Variants in PLCB4 observed in about 807,000 individuals in gnomAD.
PLCB4 encodes 1-phosphatidylinositol 4,5-bisphosphate phosphodiesterase beta-4.
Under a neutral mutation model 178.8 loss-of-function variants are expected in PLCB4, and 77 were observed. The observed-to-expected ratio is 0.43, with a 90% CI of 0.36 to 0.52. The LOEUF (loss-of-function observed/expected upper bound fraction) is 0.52. Ranked by LOEUF, PLCB4 falls within the 20% of genes least tolerant of loss-of-function variation. The pLI is 0.00. For missense variants in PLCB4, 1,024 were observed against 1,453.4 expected (o/e 0.70, Z 4.80); for synonymous variants, 496 against 490.8 (o/e 1.01, Z -0.14).
At chr20:9,089,720 A>G (rs997942552) in intron 1 of PLCB4, among the ~76,000 whole-genome samples, 9 of 152,164 alleles carry the variant, frequency 5.9e-5, no homozygotes, top group African/African-American at 2.2e-4. Flanking sequence ...TTTGTATACT[A>G]TTTGGAGCCT....
At chr20:9,463,527 A>G (rs1357606905) in intron 35 of PLCB4, among the ~76,000 whole-genome samples, 2 of 149,486 alleles carry the variant, frequency 1.3e-5, no homozygotes, top group Admixed American at 1.4e-4. Context: ...AACCCATCTC[A>G]CATGCAGAGA....
chr20:9,435,721 A>C, intron 29 of PLCB4, 73 bp downstream of exon 29: 1 of 868,176 alleles, frequency 1.2e-6, no homozygotes, highest in Non-Finnish European at 1.9e-6. Context: ...TACAAAAACA[A>C]GACAAAGTAA....
chr20:9,291,404 T>A (rs1268427654), intron 3 of PLCB4, among the ~76,000 whole-genome samples: 1 of 152,156 alleles, frequency 6.6e-6, no homozygotes, highest in Non-Finnish European at 1.5e-5. Flanking sequence ...AGTTAATTAG[T>A]AATGCCAAAC....
Position 9,405,299 on chromosome 20 carries a change from C to T in PLCB4, c.1612-14C>T, listed in dbSNP as rs1234249815. On this transcript the variant is annotated splice_polypyrimidine_tract_variant and intron_variant, in intron 20 of 39. Transcript: ENST00000378473. ...TTTAGAGAAGTAAACAAATTATTTC[C>T]TTTCTCTAATTAGGCTTCAGATGAC... The T allele has an allele frequency of 1.3e-6, 2 of 1,492,252 alleles. No homozygotes were observed. Among genetic ancestry groups the T allele is most frequent in the Non-Finnish European group, 9.1e-7 (1 of 1,095,074 alleles). The allele number at this position is 1,492,252 out of a possible 1,614,324, so 92.4% of individuals were successfully genotyped here.
intron 3 of PLCB4, among the ~76,000 whole-genome samples, chr20:9,274,001 A>G (rs913905933): frequency 6.6e-6 from 1 of 152,084 alleles, no homozygotes; most frequent in African/African-American, 2.4e-5. Flanking sequence ...AGTCAGGGGA[A>G]GACGGGGCAG....
Position 9,192,629 on chromosome 20 carries a change from T to C in PLCB4, c.-78-24761T>C, listed in dbSNP as rs532245507. 2.0e-5 allele frequency among the ~76,000 whole-genome samples: 3 copies of C among 149,604 alleles called. No individual in the cohort carries two copies. The South Asian group carries it at 6.5e-4, about 32-fold the overall frequency. ...TAGCCTCGTCCTCCCAGGGTCTCCA[T>C]AGGGAGGCCCTGTCTCTACAAAAAC... On this transcript the variant is annotated intron_variant, in intron 2 of 39. Transcript: ENST00000378473.
At chr20:9,284,469 G>A (rs1841488193) in intron 3 of PLCB4, among the ~76,000 whole-genome samples, 1 of 151,940 alleles carries the variant, frequency 6.6e-6, no homozygotes, top group South Asian at 2.1e-4. Context: ...GTATAGATTG[G>A]CTTGTATCCC....
At chr20:9,461,599 G>T (rs185416661) in intron 35 of PLCB4, among the ~76,000 whole-genome samples, 2 of 152,244 alleles carry the variant, frequency 1.3e-5, no homozygotes, top group East Asian at 3.9e-4. Context: ...CAGACAAGGC[G>T]ATTCTCTCCT....
intron 25 of PLCB4, among the ~76,000 whole-genome samples, chr20:9,417,458 C>T (rs141229207): frequency 5.9e-5 from 9 of 152,130 alleles, no homozygotes; most frequent in African/African-American, 1.9e-4. Flanking sequence ...TAACATATGG[C>T]CTTTCGTGCC....
intron 28 of PLCB4, among the ~76,000 whole-genome samples, chr20:9,430,356 CA>C (rs1176279193): frequency 6.6e-6 from 1 of 152,208 alleles, no homozygotes; most frequent in African/African-American, 2.4e-5. Flanking sequence ...TTAATTTGAA[CA>C]AACCTTACTT....
At chr20:9,218,803 A>G (rs1386247945) in intron 3 of PLCB4, among the ~76,000 whole-genome samples, 1 of 152,138 alleles carries the variant, frequency 6.6e-6, no homozygotes, top group Non-Finnish European at 1.5e-5. Context: ...GCTATCTTTT[A>G]CTACTCCCCA....
At chr20:9,395,449 T>C (rs544646280) in intron 18 of PLCB4, 74 bp from the exon 19 acceptor site, 19 of 942,110 alleles carry the variant, frequency 2.0e-5, no homozygotes, top group Non-Finnish European at 2.6e-5. Flanking sequence ...TCCTCCTCAG[T>C]GTCGATCTCA....
At chr20:9,428,764 G>C (rs992270232) in intron 28 of PLCB4, among the ~76,000 whole-genome samples, 7 of 151,858 alleles carry the variant, frequency 4.6e-5, no homozygotes, top group Non-Finnish European at 1.0e-4. Context: ...GCACATAGGG[G>C]TGGGGAGGGG....
chr20:9,114,179 A>T (rs2091700079), intron 2 of PLCB4, among the ~76,000 whole-genome samples: 1 of 152,160 alleles, frequency 6.6e-6, no homozygotes, highest in Non-Finnish European at 1.5e-5. Flanking sequence ...ATGCCATTGC[A>T]TTCTAGCCTG....
chr20:9,151,646 A>T (rs536135480), intron 2 of PLCB4, among the ~76,000 whole-genome samples: 1 of 152,132 alleles, frequency 6.6e-6, no homozygotes, highest in East Asian at 1.9e-4. Flanking sequence ...GTCCAATTAA[A>T]CCTTTTTTTC....
Position 9,372,296 on chromosome 20 carries a change from CT to C in PLCB4, c.586-5del. On this transcript the variant is annotated splice_region_variant and splice_polypyrimidine_tract_variant and intron_variant, in intron 10 of 39. Transcript: ENST00000378473. Reference sequence around the variant, plus strand: ...TGTGATTCATAACATGATTTTATTCCTTACAGAATGATGAAATTGAGCCCAC... The same window carrying C: ...TGTGATTCATAACATGATTTTATTCCTACAGAATGATGAAATTGAGCCCAC... 6.8e-7 allele frequency: 1 copy of C among 1,480,108 alleles called. No individual in the cohort carries two copies. The highest frequency in any genetic ancestry group is 9.4e-7 in the Non-Finnish European group (1 of 1,062,254). 91.7% of individuals were successfully genotyped at this position (1,480,108 alleles called of 1,614,324 possible). A position where few individuals can be genotyped will look rare whatever the true frequency, so the allele number is the denominator to read the frequency against.
chr20:9,338,114 T>C (rs573573537), intron 6 of PLCB4, 47 bp downstream of exon 6: 5 of 1,264,112 alleles, frequency 4.0e-6, no homozygotes, highest in South Asian at 1.2e-5. Flanking sequence ...TTTACTTATA[T>C]TGGAAATGGC....
chr20:9,464,419 T>C (rs767693052), intron 35 of PLCB4, among the ~76,000 whole-genome samples: 6 of 151,602 alleles, frequency 4.0e-5, no homozygotes, highest in Non-Finnish European at 7.4e-5. Flanking sequence ...AGGCAAGAAA[T>C]AACTAAGATC....
chr20:9,472,709 G>C (rs1032481901), intron 36 of PLCB4, 81 bp from the exon 37 acceptor site: 4 of 740,272 alleles, frequency 5.4e-6, no homozygotes, highest in Non-Finnish European at 9.0e-6. Context: ...GAATTTGATG[G>C]AATATAGCTC....
Sources: gnomAD v4.1 joint callset for allele counts (sites outside exome capture counted in the v4.1 genomes callset) on GRCh38, gnomAD v4.1.1 for gene constraint, MANE v1.5 for transcripts, NCBI Gene and HGNC (gene_info 2026-07-23, HGNC 2026-07-21) for gene names.